The following RPTOR variants were observed in gnomAD, a reference collection of about 807,000 sequenced individuals.
RPTOR encodes regulatory associated protein of MTOR complex 1, also known as regulatory-associated protein of mTOR.
In RPTOR, 21 loss-of-function variants were observed where a neutral mutation model predicts 169.9. That is an observed-to-expected ratio of 0.12 (90% CI 0.09 to 0.18). RPTOR has a LOEUF of 0.18. RPTOR is among the 10% of genes least tolerant of loss of function. RPTOR has a pLI of 1.00. For missense variants in RPTOR, 1,133 were observed against 1,855.9 expected, an observed-to-expected ratio of 0.61 and a Z score of 7.16; for synonymous variants, 732 against 753.2, an observed-to-expected ratio of 0.97 and a Z score of 0.46.
rs2069271276 is a variant in RPTOR, at chr17:80,957,709, A to G, written c.3456A>G (p.Thr1152=). The change falls in exon 29 of 34, where the codon ACA becomes ACG. Residue 1152 remains threonine (T), a synonymous_variant. Coordinates refer to ENST00000306801, the MANE Select transcript of RPTOR (RefSeq NM_020761.3). This position sits in a 1 kb window ranked among gnomAD's most constrained non-coding sequence, Gnocchi z 4.6. ...GDVRIVRIWD[T]DREMKVQDIP... ...TGCGGATCGTCCGGATCTGGGACAC[A>G]GACCGTGAGATGAAGGTGCAGGTAA... 1 of 1,614,090 alleles carries G rather than the reference A, an allele frequency of 6.2e-7. No homozygotes were observed. The highest frequency in any genetic ancestry group is 1.3e-5 in the African/African-American group (1 of 75,066).
chr17:80,740,578 C>T (rs555260695), intron 5 of RPTOR, among the ~76,000 whole-genome samples: 1 of 152,298 alleles, frequency 6.6e-6, no homozygotes, highest in South Asian at 2.1e-4. Flanking sequence ...TACGCTGTGA[C>T]TTAGTGAGTT....
At position 80,646,954 on chromosome 17, in the gene RPTOR, C is replaced by G. The variant is rs1259480694; in HGVS notation, c.348+3144C>G. The stretch of plus-strand genomic sequence containing the variant: ...AAGCCAACCCCGGAACCCCCGTCGG[C>G]TGCACCAGAATGGTGTCTGGAAGCC... On this transcript the variant is annotated intron_variant, in intron 3 of 33. Coordinates refer to ENST00000306801, the MANE Select transcript of RPTOR (RefSeq NM_020761.3). This position sits in a 1 kb window ranked among gnomAD's most constrained non-coding sequence, Gnocchi z 5.0. 1.3e-5 allele frequency among the ~76,000 whole-genome samples: 2 copies of G among 152,210 alleles called. No individual in the cohort carries two copies. Among genetic ancestry groups the G allele is most frequent in the East Asian group, 1.9e-4 (1 of 5,200 alleles).
intron 24 of RPTOR, among the ~76,000 whole-genome samples, chr17:80,930,362 ATCCTC>A (rs2068873173): frequency 1.5e-5 from 1 of 65,614 alleles, no homozygotes; most frequent in Non-Finnish European, 2.9e-5. Context: ...TCCCCAGCTC[ATCCTC>A]AGCTCATCCC....
rs143404285 is a variant in RPTOR at position 80,698,134 on chromosome 17, G to A, written c.349-9707G>A. ...TCTTGAAGGTGCCCTATGGGGAAAC[G>A]GTGTTGTGAAAGTAGGAGGGTGAGG... On this transcript the variant is annotated intron_variant, in intron 3 of 33. Transcript: ENST00000306801. Among the ~76,000 whole-genome samples the A allele has an allele frequency of 7.9e-5, 12 of 152,256 alleles. No homozygotes were observed. The South Asian group carries it at 1.2e-3, about 16-fold the overall frequency.
rs1408435069 is a variant in RPTOR at position 80,803,626 on chromosome 17, T to TAA, written c.890+12117_890+12118insAA. 9.2e-5 allele frequency: 14 copies of TAA among 152,270 alleles called. No individual in the cohort carries two copies. Among genetic ancestry groups the TAA allele is most frequent in the African/African-American group, 3.4e-4 (14 of 41,462 alleles). The allele number at this position is 152,270 out of a possible 1,614,324, so 9.4% of individuals were successfully genotyped here. On this transcript the variant is annotated intron_variant, in intron 7 of 33. Transcript: ENST00000306801. This position sits in a 1 kb window ranked among gnomAD's most constrained non-coding sequence, Gnocchi z 6.2. ...GCACTTTTCAGACCCCGCGTGTGTT[T>TAA]CTCAGCACGTTTGTTCATTCACCGT...
rs577886939 is a variant in RPTOR, at chr17:80,826,955, G to A, written c.1136+3732G>A. Among the ~76,000 whole-genome samples, 259 of 152,300 alleles carry A rather than the reference G, an allele frequency of 1.7e-3. 1 individual carries two copies. Among genetic ancestry groups the A allele is most frequent in the African/African-American group, 5.6e-3 (233 of 41,556 alleles). ...AACTCACACCTGGGCACGCATCTGC[G>A]TACTGCCCTGGCGACTGACGTGAGC... On this transcript the variant is annotated intron_variant, in intron 9 of 33. Transcript: ENST00000306801.
intron 1 of RPTOR, among the ~76,000 whole-genome samples, chr17:80,616,944 G>A (rs542468712): frequency 7.9e-5 from 12 of 152,196 alleles, no homozygotes; most frequent in African/African-American, 2.7e-4. Flanking sequence ...TTGGATACTC[G>A]CCCAAGCTTC....
intron 3 of RPTOR, among the ~76,000 whole-genome samples, chr17:80,685,953 A>G (rs965145758): frequency 6.6e-6 from 1 of 151,884 alleles, no homozygotes; most frequent in Non-Finnish European, 1.5e-5. Flanking sequence ...TGGCCTCTGC[A>G]GAGGGCAGGG....
rs115378669 is a variant in RPTOR at position 80,594,721 on chromosome 17, T to A, written c.163-30970T>A. On this transcript the variant is annotated intron_variant, in intron 1 of 33. Transcript: ENST00000306801. ...AAATGGAATGTTTTAATTAAAAATA[T>A]CCATCACCGGGTGGCTCTTCTTTTC... Among the ~76,000 whole-genome samples, 510 of 152,304 alleles carry A rather than the reference T, an allele frequency of 3.3e-3. 3 individuals carry two copies. Among genetic ancestry groups the A allele is most frequent in the African/African-American group, 0.011 (476 of 41,554 alleles).
Position 80,945,655 on chromosome 17 carries a change from T to G in RPTOR, c.3026-12T>G. On this transcript the variant is annotated splice_polypyrimidine_tract_variant and intron_variant, in intron 25 of 33. Transcript: ENST00000306801. ...GGCTCCTGGATCCACTCTTGTGTGT[T>G]TCTTTTGACAGGCATTACGAGATTG... is the stretch of plus-strand genomic sequence containing the variant. 6.4e-7 allele frequency: 1 copy of G among 1,552,588 alleles called. No homozygotes were observed. The highest frequency in any genetic ancestry group is 8.9e-7 in the Non-Finnish European group (1 of 1,129,366).
chr17:80,631,471 G>A (rs1360595613), intron 2 of RPTOR, among the ~76,000 whole-genome samples: 1 of 152,168 alleles, frequency 6.6e-6, no homozygotes, highest in Middle Eastern at 3.2e-3. Context: ...GGTTTCTTGT[G>A]CAGACCTGCG....
At chr17:80,700,702 G>A (rs368842273) in intron 3 of RPTOR, among the ~76,000 whole-genome samples, 7 of 62,004 alleles carry the variant, frequency 1.1e-4, no homozygotes, top group East Asian at 4.5e-4. Context: ...TGGTGATGGT[G>A]GTGGTGATGG....
At chr17:80,735,121 G>T (rs1459271744) in intron 5 of RPTOR, among the ~76,000 whole-genome samples, 1 of 152,212 alleles carries the variant, frequency 6.6e-6, no homozygotes, top group African/African-American at 2.4e-5. Flanking sequence ...AGCACCCCAG[G>T]TGTGGTTGAG....
chr17:80,937,071 G>T (rs753402549), intron 24 of RPTOR, among the ~76,000 whole-genome samples: 1 of 152,186 alleles, frequency 6.6e-6, no homozygotes, highest in South Asian at 2.1e-4. Context: ...TTGCTAAACC[G>T]TGGGGAAAAT....
rs1179821298 is a variant in RPTOR, at chr17:80,721,260, T to C, written c.508-9300T>C. 6.6e-6 allele frequency among the ~76,000 whole-genome samples: 1 copy of C among 151,230 alleles called. No homozygotes were observed. The highest frequency in any genetic ancestry group is 1.5e-5 in the Non-Finnish European group (1 of 67,994). The stretch of plus-strand genomic sequence containing the variant: ...CCTGGGGTCAGTAGGATGAAAGATG[T>C]CGTAGCAGCACAGGCAGCACTGTGG... On this transcript the variant is annotated intron_variant, in intron 4 of 33. Transcript: ENST00000306801. This position sits in a 1 kb window ranked among gnomAD's most constrained non-coding sequence, Gnocchi z 4.7.
chr17:80,631,411 G>T lies in RPTOR; in HGVS notation c.265+5618G>T, dbSNP rs191039148. ...GCCTGGACCCCCTGTGTTTCCACAC[G>T]GATATGCAAGCGCACACTGGGGCCT... On this transcript the variant is annotated intron_variant, in intron 2 of 33. Transcript: ENST00000306801. Among the ~76,000 whole-genome samples the T allele has an allele frequency of 1.9e-3, 291 of 152,246 alleles. 1 individual carries two copies. Among genetic ancestry groups the T allele is most frequent in the African/African-American group, 6.9e-3 (285 of 41,532 alleles).
intron 13 of RPTOR, among the ~76,000 whole-genome samples, chr17:80,871,361 G>A (rs72857916): frequency 1.4e-3 from 208 of 152,252 alleles, no homozygotes; most frequent in South Asian, 2.7e-3. Flanking sequence ...CACCGCTCCC[G>A]GCCATGCCCA....
At position 80,707,102 on chromosome 17, in the gene RPTOR, G is replaced by A. The variant is rs892957227; in HGVS notation, c.349-739G>A. On this transcript the variant is annotated intron_variant, in intron 3 of 33. Transcript: ENST00000306801. The surrounding 1 kb of genome is among the most constrained non-coding windows in gnomAD (Gnocchi z 5.0). ...TCAGGGTTAAGGGCCCAGGCAGGAGGCGGAGGGAGGAGCTTTCAGCAGGGC... is the reference window on the plus strand; with the variant it reads ...TCAGGGTTAAGGGCCCAGGCAGGAGACGGAGGGAGGAGCTTTCAGCAGGGC... Among the ~76,000 whole-genome samples, 1 of 152,176 alleles carries A rather than the reference G, an allele frequency of 6.6e-6. No homozygotes were observed. Among genetic ancestry groups the A allele is most frequent in the African/African-American group, 2.4e-5 (1 of 41,430 alleles).
intron 6 of RPTOR, among the ~76,000 whole-genome samples, chr17:80,783,263 T>C (rs2066959192): frequency 6.6e-6 from 1 of 152,060 alleles, no homozygotes; most frequent in Admixed American, 6.5e-5. Flanking sequence ...CTCTTCCCCC[T>C]CTCTCTCTCC....
Sources: gnomAD v4.1 joint callset for allele counts (sites outside exome capture counted in the v4.1 genomes callset) on GRCh38, gnomAD v4.1.1 for gene constraint, Gnocchi (gnomAD v3.1) non-coding constraint, MANE v1.5 for transcripts, NCBI Gene and HGNC (gene_info 2026-07-23, HGNC 2026-07-21) for gene names.